Variants in CARMIL1 observed in about 807,000 individuals in gnomAD.
CARMIL1 encodes F-actin-uncapping protein LRRC16A.
CARMIL1 carries 90 observed loss-of-function variants against 177.1 expected under a neutral mutation model. The observed-to-expected ratio is 0.51, with a 90% CI of 0.43 to 0.61. The LOEUF (loss-of-function observed/expected upper bound fraction) is 0.61. CARMIL1 is among the 20% of genes least tolerant of loss of function. CARMIL1 has a pLI of 0.00. For synonymous variants in CARMIL1, 577 were observed against 606.2 expected, an observed-to-expected ratio of 0.95 and a Z score of 0.71; for missense variants, 1,380 against 1,667.0, an observed-to-expected ratio of 0.83 and a Z score of 3.00.
intron 1 of CARMIL1, among the ~76,000 whole-genome samples, chr6:25,281,190 A>G (rs2150119249): frequency 6.7e-6 from 1 of 148,684 alleles, no homozygotes; most frequent in South Asian, 2.2e-4. Context: ...TCATGATCCC[A>G]GCAGATCCTC....
chr6:25,584,915 G>T (rs1315510550), intron 31 of CARMIL1, among the ~76,000 whole-genome samples: 2 of 152,328 alleles, frequency 1.3e-5, no homozygotes, highest in East Asian at 3.9e-4. Context: ...GTTCTAGAGA[G>T]ATTTCACCTT....
At chr6:25,325,485 C>T (rs1264422637) in intron 2 of CARMIL1, among the ~76,000 whole-genome samples, 1 of 152,130 alleles carries the variant, frequency 6.6e-6, no homozygotes, top group East Asian at 1.9e-4. Flanking sequence ...ATTTTTTCCC[C>T]TACAGTTTTC....
chr6:25,379,465 A>G (rs968272270), intron 2 of CARMIL1, among the ~76,000 whole-genome samples: 1 of 152,118 alleles, frequency 6.6e-6, no homozygotes, highest in Non-Finnish European at 1.5e-5. Context: ...ATTTGGATAG[A>G]TGGAAGAAGG....
chr6:25,503,924 G>A (rs1023312773), intron 17 of CARMIL1, among the ~76,000 whole-genome samples: 2 of 152,084 alleles, frequency 1.3e-5, no homozygotes, highest in Non-Finnish European at 2.9e-5. Context: ...GTTGGCGGGG[G>A]TGGTGGTAGG....
At chr6:25,367,837 C>T (rs1789995096) in intron 2 of CARMIL1, among the ~76,000 whole-genome samples, 1 of 152,166 alleles carries the variant, frequency 6.6e-6, no homozygotes, top group African/African-American at 2.4e-5. Context: ...CGGCTCACTG[C>T]AGCTTCTGCC....
intron 2 of CARMIL1, among the ~76,000 whole-genome samples, chr6:25,408,612 A>G (rs1000807913): frequency 4.6e-5 from 7 of 152,150 alleles, no homozygotes; most frequent in African/African-American, 1.7e-4. Context: ...GGTCTTTCTC[A>G]AAATCATTCG....
chr6:25,376,107 T>G (rs185788437), intron 2 of CARMIL1, among the ~76,000 whole-genome samples: 3 of 152,042 alleles, frequency 2.0e-5, no homozygotes, highest in Admixed American at 1.3e-4. Context: ...TGAGATGGAG[T>G]TTTGTTCTTG....
At chr6:25,424,841 A>G (rs1796149330) in intron 3 of CARMIL1, among the ~76,000 whole-genome samples, 2 of 152,134 alleles carry the variant, frequency 1.3e-5, no homozygotes, top group Non-Finnish European at 2.9e-5. Flanking sequence ...ATTTTTAAAG[A>G]GACTTAAATT....
At chr6:25,542,702 T>C (rs1809044067) in intron 26 of CARMIL1, among the ~76,000 whole-genome samples, 1 of 152,168 alleles carries the variant, frequency 6.6e-6, no homozygotes, top group Non-Finnish European at 1.5e-5. Context: ...AATGTTCTTT[T>C]AACTGGGTGC....
intron 2 of CARMIL1, among the ~76,000 whole-genome samples, chr6:25,355,400 T>G (rs753919900): frequency 6.6e-6 from 1 of 152,144 alleles, no homozygotes; most frequent in Non-Finnish European, 1.5e-5. Flanking sequence ...CCCAGCACTT[T>G]GGGAGGCTGA....
At chr6:25,600,114 T>C (rs1815241955) in intron 32 of CARMIL1, among the ~76,000 whole-genome samples, 200 bp from the exon 33 acceptor site, 1 of 152,220 alleles carries the variant, frequency 6.6e-6, no homozygotes, top group South Asian at 2.1e-4. Flanking sequence ...TGTGCGTGCC[T>C]CGATTTTCTC....
intron 2 of CARMIL1, among the ~76,000 whole-genome samples, chr6:25,332,582 G>A (rs1785739150): frequency 6.6e-6 from 1 of 152,082 alleles, no homozygotes; most frequent in Admixed American, 6.5e-5. Flanking sequence ...GAAACTGAGG[G>A]ACATGTTGAG....
intron 2 of CARMIL1, among the ~76,000 whole-genome samples, chr6:25,289,598 C>G (rs1487713865): frequency 1.3e-5 from 2 of 152,182 alleles, no homozygotes; most frequent in African/African-American, 2.4e-5. Flanking sequence ...ATAGCCATAC[C>G]TAGCATTCCC....
At chr6:25,286,796 A>G (rs778792637) in intron 2 of CARMIL1, among the ~76,000 whole-genome samples, 45 of 152,346 alleles carry the variant, frequency 3.0e-4, no homozygotes, top group Non-Finnish European at 4.1e-4. Context: ...GCAATTTACC[A>G]TGTTAAAATT....
chr6:25,336,696 G>A (rs1191574455), intron 2 of CARMIL1, among the ~76,000 whole-genome samples: 1 of 151,940 alleles, frequency 6.6e-6, no homozygotes, highest in Non-Finnish European at 1.5e-5. Flanking sequence ...GTACCCTCAG[G>A]CCCCTTTTAT....
chr6:25,284,771 CT>C (rs758090717), intron 1 of CARMIL1, 40 bp from the exon 2 acceptor site: 3 of 1,185,996 alleles, frequency 2.5e-6, no homozygotes, highest in Non-Finnish European at 3.6e-6. Flanking sequence ...CTCCTCAGTG[CT>C]TTTTTTCTTA....
chr6:25,389,773 T>G (rs139409776), intron 2 of CARMIL1, among the ~76,000 whole-genome samples: 20 of 152,268 alleles, frequency 1.3e-4, no homozygotes, highest in African/African-American at 4.1e-4. Context: ...TCTGTATGTG[T>G]AGGACTCATG....
At chr6:25,371,924 T>C (rs1290121466) in intron 2 of CARMIL1, among the ~76,000 whole-genome samples, 1 of 152,244 alleles carries the variant, frequency 6.6e-6, no homozygotes, top group Non-Finnish European at 1.5e-5. Context: ...AGTTGATTTT[T>C]GTATATGGTG....
At chr6:25,511,877 T>A (rs897717284) in intron 20 of CARMIL1, among the ~76,000 whole-genome samples, 1 of 152,224 alleles carries the variant, frequency 6.6e-6, no homozygotes, top group African/African-American at 2.4e-5. Context: ...ATCTCATTAT[T>A]GTTTAATGAA....
Sources: allele counts gnomAD v4.1 joint callset (sites outside exome capture counted in the v4.1 genomes callset), GRCh38; gene constraint gnomAD v4.1.1; transcripts MANE v1.5; gene names NCBI Gene and HGNC (gene_info 2026-07-23, HGNC 2026-07-21).